The following PAPSS1 variants were observed in gnomAD, a reference collection of about 807,000 sequenced individuals.
PAPSS1 encodes bifunctional 3'-phosphoadenosine 5'-phosphosulfate synthase 1.
A neutral mutation model predicts 72.0 loss-of-function variants in PAPSS1; 50 were observed. That is an observed-to-expected ratio of 0.69 (90% confidence interval 0.55 to 0.88). The LOEUF (loss-of-function observed/expected upper bound fraction) is 0.88, where lower values mean the gene tolerates loss of function less well. PAPSS1 is among the 40% of genes least tolerant of loss of function. PAPSS1 has a pLI of 0.00. For missense variants in PAPSS1, 657 were observed against 782.2 expected (o/e 0.84, Z 1.91); for synonymous variants, 261 against 263.6 (o/e 0.99, Z 0.09).
intron 11 of PAPSS1, among the ~76,000 whole-genome samples, chr4:107,627,471 T>C (rs565094240): frequency 2.0e-3 from 309 of 152,264 alleles, no homozygotes; most frequent in Non-Finnish European, 2.6e-3. Flanking sequence ...CCTGACATTG[T>C]ATGTTTTATA....
At chr4:107,615,966 C>CT (rs1398287939) in intron 11 of PAPSS1, among the ~76,000 whole-genome samples, 1 of 152,172 alleles carries the variant, frequency 6.6e-6, no homozygotes, top group African/African-American at 2.4e-5. Flanking sequence ...TGATCTTGGA[C>CT]TTCCCAACCT....
At position 107,657,003 on chromosome 4, in the gene PAPSS1, T is replaced by C; in HGVS notation, c.788A>G (p.Asp263Gly). 6.2e-7 allele frequency: 1 copy of C among 1,611,254 alleles called. No homozygotes were observed. The highest frequency in any genetic ancestry group is 8.5e-7 in the Non-Finnish European group (1 of 1,177,420). ...TGCCAAAACCTGCACCCACTGCATA[T>C]CCACCTAGTAAATTTGAAAGTAAAG... ...TLPALKINKV[D>G]MQWVQVLAEG... Residue 263 changes from aspartate (D) to glycine (G), a missense_variant, in exon 7 of 12, where the codon GAT becomes GGT. Physicochemically the swap from Asp to Gly is moderately conservative, Grantham distance 94 (BLOSUM62 -1). Coordinates refer to ENST00000265174, the MANE Select transcript of PAPSS1 (RefSeq NM_005443.5).
At chr4:107,619,419 C>T (rs901619213) in intron 11 of PAPSS1, among the ~76,000 whole-genome samples, 4 of 152,224 alleles carry the variant, frequency 2.6e-5, no homozygotes, top group Non-Finnish European at 5.9e-5. Flanking sequence ...TTTTCCTCCA[C>T]CTCATACTTA....
intron 1 of PAPSS1, among the ~76,000 whole-genome samples, chr4:107,718,721 G>A (rs903447658): frequency 1.4e-4 from 21 of 152,166 alleles, no homozygotes; most frequent in African/African-American, 5.1e-4. Context: ...AAATAAATGA[G>A]TACATAAATG....
chr4:107,645,244 AT>A lies in PAPSS1; in HGVS notation c.1238-175del, dbSNP rs150460651. 8.8e-4 allele frequency among the ~76,000 whole-genome samples: 133 copies of A among 151,946 alleles called. No individual in the cohort carries two copies. In the East Asian group the frequency reaches 0.022, roughly 26 times the overall value. On this transcript the variant is annotated intron_variant, in intron 9 of 11. Transcript: ENST00000265174. ...AAAAGTACTGCTTTGACCATTTAGG[AT>A]AACATGACCTATACTTCTACTATAC...
chr4:107,704,968 A>T (rs1723298584), intron 1 of PAPSS1, among the ~76,000 whole-genome samples: 1 of 152,042 alleles, frequency 6.6e-6, no homozygotes, highest in Admixed American at 6.6e-5. Flanking sequence ...AAAAAGAAAA[A>T]ATTGCCTATG....
At chr4:107,641,256 C>T (rs934031977) in intron 10 of PAPSS1, among the ~76,000 whole-genome samples, 1 of 152,198 alleles carries the variant, frequency 6.6e-6, no homozygotes, top group Non-Finnish European at 1.5e-5. Context: ...CACCCACTTC[C>T]CAGGTATCTG....
chr4:107,620,236 A>C (rs1285138616), intron 11 of PAPSS1, among the ~76,000 whole-genome samples: 1 of 152,244 alleles, frequency 6.6e-6, no homozygotes, highest in Non-Finnish European at 1.5e-5. Context: ...AATAGTGGTA[A>C]CTTATAAGTG....
At chr4:107,652,917 T>C (rs554687868) in intron 9 of PAPSS1, among the ~76,000 whole-genome samples, 13 of 152,274 alleles carry the variant, frequency 8.5e-5, no homozygotes, top group Non-Finnish European at 1.5e-4. Context: ...TAAATCATGG[T>C]CGTGTATCAT....
At chr4:107,673,349 T>G (rs1271088623) in intron 5 of PAPSS1, among the ~76,000 whole-genome samples, 2 of 151,542 alleles carry the variant, frequency 1.3e-5, no homozygotes, top group South Asian at 4.2e-4. Context: ...GAATAACCAA[T>G]GCAGAGAAGT....
chr4:107,648,806 T>A (rs1306289443), intron 9 of PAPSS1, among the ~76,000 whole-genome samples: 2 of 152,172 alleles, frequency 1.3e-5, no homozygotes, highest in Non-Finnish European at 2.9e-5. Flanking sequence ...GGACCTGGAA[T>A]AACAAAGCAG....
intron 5 of PAPSS1, among the ~76,000 whole-genome samples, chr4:107,674,905 A>C (rs1727594100): frequency 6.6e-6 from 1 of 152,222 alleles, no homozygotes; most frequent in African/African-American, 2.4e-5. Context: ...AACTACATGG[A>C]AACTGAACAA....
At chr4:107,705,812 A>G (rs1364581297) in intron 1 of PAPSS1, among the ~76,000 whole-genome samples, 2 of 152,196 alleles carry the variant, frequency 1.3e-5, no homozygotes, top group African/African-American at 4.8e-5. Flanking sequence ...CTTTTATTTC[A>G]GCTTGGAGAA....
chr4:107,660,214 C>T (rs776763684), intron 5 of PAPSS1, 142 bp from the exon 6 acceptor site: 1 of 556,438 alleles, frequency 1.8e-6, no homozygotes, highest in Non-Finnish European at 3.1e-6. Context: ...TTCCCCTCAA[C>T]CAATACTCTC....
At position 107,669,167 on chromosome 4, in the gene PAPSS1, T is replaced by C. The variant is rs188229213; in HGVS notation, c.670-9095A>G. Among the ~76,000 whole-genome samples, 3 of 152,260 alleles carry C rather than the reference T, an allele frequency of 2.0e-5. No individual in the cohort carries two copies. The East Asian group carries it at 5.8e-4, about 29-fold the overall frequency. On this transcript the variant is annotated intron_variant, in intron 5 of 11. Transcript: ENST00000265174. ...TTTGCTACCCCTGGATAGAGGGAGTTTGATATGAAAAGTACACATTATAGC... is the reference window on the plus strand; with the variant it reads ...TTTGCTACCCCTGGATAGAGGGAGTCTGATATGAAAAGTACACATTATAGC...
At chr4:107,686,417 A>G (rs1226360621) in intron 4 of PAPSS1, among the ~76,000 whole-genome samples, 1 of 152,202 alleles carries the variant, frequency 6.6e-6, no homozygotes, top group Admixed American at 6.5e-5. Flanking sequence ...TATATTTGTT[A>G]TTTATACTAT....
chr4:107,683,893 T>TA (rs1160806318), intron 4 of PAPSS1, among the ~76,000 whole-genome samples: 1 of 151,962 alleles, frequency 6.6e-6, no homozygotes, highest in Non-Finnish European at 1.5e-5. Flanking sequence ...AAAAGCTTTT[T>TA]AAAAAAATAA....
chr4:107,628,150 A>G (rs976711305), intron 11 of PAPSS1, among the ~76,000 whole-genome samples: 2 of 152,162 alleles, frequency 1.3e-5, no homozygotes, highest in Admixed American at 1.3e-4. Flanking sequence ...ATTCACTCTC[A>G]TAAGACTTTC....
chr4:107,680,681 C>A (rs1727781712), intron 5 of PAPSS1, among the ~76,000 whole-genome samples: 1 of 152,076 alleles, frequency 6.6e-6, no homozygotes, highest in Non-Finnish European at 1.5e-5. Flanking sequence ...CAGTGGTGGG[C>A]TTTTAATCAA....
Sources: gnomAD v4.1 joint callset for allele counts (sites outside exome capture counted in the v4.1 genomes callset) on GRCh38, gnomAD v4.1.1 for gene constraint, MANE v1.5 for transcripts, NCBI Gene and HGNC (gene_info 2026-07-23, HGNC 2026-07-21) for gene names.